The following SH3GLB1 variants were observed in gnomAD, a reference collection of about 807,000 sequenced individuals.
SH3GLB1 encodes endophilin-B1.
In SH3GLB1, 17 loss-of-function variants were observed where a neutral mutation model predicts 42.0. The observed-to-expected ratio is 0.40, with a 90% CI of 0.28 to 0.61. SH3GLB1 has a LOEUF of 0.61. Ranked by LOEUF, SH3GLB1 falls within the 20% of genes least tolerant of loss-of-function variation. The pLI, the probability that SH3GLB1 is intolerant of heterozygous loss-of-function variation, is 0.36. For missense variants in SH3GLB1, 355 were observed against 426.3 expected (o/e 0.83, Z 1.47); for synonymous variants, 132 against 146.6 (o/e 0.90, Z 0.72).
intron 5 of SH3GLB1, chr1:86,728,362 A>G: frequency 2.9e-6 from 3 of 1,024,882 alleles, no homozygotes; most frequent in Non-Finnish European, 4.3e-6. Context: ...CACTGTGTTC[A>G]TTGGTATAAT....
At chr1:86,719,343 A>C (rs1297887147) in intron 2 of SH3GLB1, among the ~76,000 whole-genome samples, 164 bp from the exon 3 acceptor site, 1 of 152,074 alleles carries the variant, frequency 6.6e-6, no homozygotes, top group Non-Finnish European at 1.5e-5. Flanking sequence ...TTTTTTAGTT[A>C]TATAATAGTC....
chr1:86,719,049 T>C (rs1327962532), intron 2 of SH3GLB1, among the ~76,000 whole-genome samples: 2 of 152,204 alleles, frequency 1.3e-5, no homozygotes, highest in African/African-American at 2.4e-5. Flanking sequence ...AGAGAGCAAA[T>C]GCTCATGCTA....
chr1:86,729,027 G>T (rs943436884), intron 5 of SH3GLB1, among the ~76,000 whole-genome samples: 4 of 152,114 alleles, frequency 2.6e-5, no homozygotes, highest in Admixed American at 2.6e-4. Flanking sequence ...AATGGTGATA[G>T]CCTTGGGAAA....
chr1:86,748,049 ACTGT>A lies in SH3GLB1; in HGVS notation c.*4817_*4820del. 6.6e-6 allele frequency: 1 copy of A among 152,276 alleles called. No homozygotes were observed. Among genetic ancestry groups the A allele is most frequent in the South Asian group, 2.1e-4 (1 of 4,830 alleles). 9.4% of individuals were successfully genotyped at this position (152,276 alleles called of 1,614,324 possible). ...CTTTTTTTCACTCAACAATACCATG[ACTGT>A]CTTGCTGTGTCAAGTATATTTCTAC... On this transcript the variant is annotated 3_prime_UTR_variant, in exon 9 of 9. Transcript: ENST00000370558.
intron 3 of SH3GLB1, among the ~76,000 whole-genome samples, chr1:86,721,588 T>G (rs1033941817): frequency 9.9e-5 from 15 of 152,216 alleles, no homozygotes; most frequent in African/African-American, 3.4e-4. Context: ...TACTTTGTAC[T>G]GTACTTGCCC....
At chr1:86,735,044 T>C (rs759172795) in intron 6 of SH3GLB1, 35 bp from the exon 7 acceptor site, 15 of 1,518,252 alleles carry the variant, frequency 9.9e-6, no homozygotes, top group Non-Finnish European at 1.0e-5. Context: ...AAGTTGACTA[T>C]ACAGCTAAGA....
chr1:86,707,644 A>ATTT (rs948807467), intron 1 of SH3GLB1, among the ~76,000 whole-genome samples: 86 of 116,504 alleles, frequency 7.4e-4, no homozygotes, highest in South Asian at 1.4e-3. Flanking sequence ...TTTACAGGGT[A>ATTT]TTTTTTTTTT....
At chr1:86,728,024 A>T (rs1016891082) in intron 5 of SH3GLB1, among the ~76,000 whole-genome samples, 2 of 152,048 alleles carry the variant, frequency 1.3e-5, no homozygotes, top group South Asian at 4.1e-4. Flanking sequence ...ATGTGGTTGA[A>T]GGCATCATAA....
chr1:86,707,643 T>TG (rs1653945805), intron 1 of SH3GLB1, among the ~76,000 whole-genome samples: 1 of 143,604 alleles, frequency 7.0e-6, no homozygotes, highest in African/African-American at 2.7e-5. Flanking sequence ...TTTTACAGGG[T>TG]ATTTTTTTTT....
At chr1:86,715,309 A>G (rs895944824) in intron 1 of SH3GLB1, among the ~76,000 whole-genome samples, 1 of 152,206 alleles carries the variant, frequency 6.6e-6, no homozygotes, top group African/African-American at 2.4e-5. Flanking sequence ...AAAATATTCA[A>G]TACATTGCTC....
At chr1:86,731,574 A>C (rs185891384) in intron 5 of SH3GLB1, among the ~76,000 whole-genome samples, 1 of 152,302 alleles carries the variant, frequency 6.6e-6, no homozygotes, top group Admixed American at 6.5e-5. Flanking sequence ...AAAAACTAGA[A>C]TGTCTTCCTC....
chr1:86,709,431 C>T (rs1050918129), intron 1 of SH3GLB1, among the ~76,000 whole-genome samples: 2 of 152,220 alleles, frequency 1.3e-5, no homozygotes, highest in East Asian at 1.9e-4. Flanking sequence ...TGAGTACCTC[C>T]TAGGTGCTTG....
chr1:86,724,892 A>ATATATATATATATATATATATATATATAT (rs1553208270), intron 5 of SH3GLB1, among the ~76,000 whole-genome samples: 5 of 99,658 alleles, frequency 5.0e-5, no homozygotes, highest in African/African-American at 1.6e-4. Context: ...AAAAAAAAAA[A>ATATATATATATATATATATATATATATAT]ATATATATAT....
chr1:86,719,332 A>AT (rs1234699850), intron 2 of SH3GLB1, among the ~76,000 whole-genome samples, 175 bp from the exon 3 acceptor site: 1 of 152,084 alleles, frequency 6.6e-6, no homozygotes, highest in Non-Finnish European at 1.5e-5. Flanking sequence ...CTAAAATATA[A>AT]TTTTTTAGTT....
At chr1:86,737,760 G>A (rs1050926359) in intron 7 of SH3GLB1, among the ~76,000 whole-genome samples, 3 of 152,208 alleles carry the variant, frequency 2.0e-5, no homozygotes, top group African/African-American at 7.2e-5. Flanking sequence ...ATTAGAAGGT[G>A]AAAATGGTGT....
chr1:86,733,065 T>C (rs1317397290), intron 5 of SH3GLB1, among the ~76,000 whole-genome samples: 2 of 152,280 alleles, frequency 1.3e-5, no homozygotes, highest in South Asian at 4.1e-4. Context: ...TTTTCCTTAG[T>C]GCTCTCCTTA....
At chr1:86,724,880 A>ATATATAT (rs1284567743) in intron 5 of SH3GLB1, among the ~76,000 whole-genome samples, 3 of 103,860 alleles carry the variant, frequency 2.9e-5, no homozygotes, top group South Asian at 2.7e-4. Flanking sequence ...TCTTTAAAAA[A>ATATATAT]AAAAAAAAAA....
chr1:86,720,016 A>G (rs945020220), intron 3 of SH3GLB1, among the ~76,000 whole-genome samples: 1 of 151,542 alleles, frequency 6.6e-6, no homozygotes, highest in Non-Finnish European at 1.5e-5. Flanking sequence ...AAAAAAAAAA[A>G]ACATAGTAGT....
At position 86,745,153 on chromosome 1, in the gene SH3GLB1, G is replaced by A. The variant is rs559857231; in HGVS notation, c.*1918G>A. On this transcript the variant is annotated 3_prime_UTR_variant, in exon 9 of 9. Transcript: ENST00000370558. ...CGGTAATGGAGTGAAATGGTCCTGG[G>A]TTCAAATCCAGTCTTCCTCACATAT... is the stretch of plus-strand genomic sequence containing the variant. 4 of 152,302 alleles carry A rather than the reference G, an allele frequency of 2.6e-5. No individual in the cohort carries two copies. Among genetic ancestry groups the A allele is most frequent in the Admixed American group, 1.3e-4 (2 of 15,304 alleles). 9.4% of individuals were successfully genotyped at this position (152,302 alleles called of 1,614,324 possible).
Sources: allele counts gnomAD v4.1 joint callset (sites outside exome capture counted in the v4.1 genomes callset), GRCh38; gene constraint gnomAD v4.1.1; transcripts MANE v1.5; gene names NCBI Gene and HGNC (gene_info 2026-07-23, HGNC 2026-07-21).